Variants in LDB2 observed in about 807,000 individuals in gnomAD.
LDB2 encodes LIM domain-binding protein 2.
LDB2 carries 12 observed loss-of-function variants against 44.3 expected under a neutral mutation model. That is an observed-to-expected ratio of 0.27 (90% CI 0.17 to 0.44). The LOEUF (loss-of-function observed/expected upper bound fraction) is 0.44. Ranked by LOEUF, LDB2 falls within the 20% of genes least tolerant of loss-of-function variation. LDB2 has a pLI of 1.00. For synonymous variants in LDB2, 164 were observed against 174.8 expected, an observed-to-expected ratio of 0.94 and a Z score of 0.49; for missense variants, 344 against 473.5, an observed-to-expected ratio of 0.73 and a Z score of 2.54.
At chr4:16,665,262 T>TTC (rs1553950438) in intron 2 of LDB2, among the ~76,000 whole-genome samples, 3 of 116,184 alleles carry the variant, frequency 2.6e-5, no homozygotes, top group East Asian at 2.7e-4. Context: ...TCTTTTTTTT[T>TTC]CATTTCTTTT....
intron 5 of LDB2, among the ~76,000 whole-genome samples, chr4:16,572,770 T>C (rs1325199903): frequency 6.6e-6 from 1 of 152,162 alleles, no homozygotes; most frequent in Non-Finnish European, 1.5e-5. Context: ...CCAAATGCAA[T>C]TAAAAGTGCC....
At chr4:16,704,828 T>C (rs1374980725) in intron 2 of LDB2, among the ~76,000 whole-genome samples, 2 of 152,204 alleles carry the variant, frequency 1.3e-5, no homozygotes, top group Non-Finnish European at 2.9e-5. Flanking sequence ...GCTTGCTCAC[T>C]TACAATTGAT....
chr4:16,677,871 G>A (rs1486604545), intron 2 of LDB2, among the ~76,000 whole-genome samples: 1 of 152,176 alleles, frequency 6.6e-6, no homozygotes, highest in Non-Finnish European at 1.5e-5. Flanking sequence ...AAGAAACACT[G>A]GGAAATGGCT....
chr4:16,639,460 A>AATT (rs377611859), intron 2 of LDB2, among the ~76,000 whole-genome samples: 3,365 of 152,098 alleles, frequency 0.022, 121 homozygotes, highest in African/African-American at 0.076. Context: ...AAACCAAAAG[A>AATT]ATTATTATTA....
chr4:16,702,781 G>A (rs1233501062), intron 2 of LDB2, among the ~76,000 whole-genome samples: 1 of 152,114 alleles, frequency 6.6e-6, no homozygotes, highest in African/African-American at 2.4e-5. Context: ...CACGGCTGGG[G>A]CGTCATTCCT....
chr4:16,715,923 G>A (rs189634668), intron 2 of LDB2, among the ~76,000 whole-genome samples: 38 of 152,214 alleles, frequency 2.5e-4, no homozygotes, highest in Admixed American at 2.2e-3. Context: ...GTTCACTTAA[G>A]GCAGAGTTTA....
At chr4:16,607,826 T>C (rs1724361593) in intron 2 of LDB2, among the ~76,000 whole-genome samples, 1 of 152,098 alleles carries the variant, frequency 6.6e-6, no homozygotes, top group African/African-American at 2.4e-5. Flanking sequence ...GTTTGGCAAG[T>C]GGATAAATGT....
At chr4:16,644,555 G>T (rs376287752) in intron 2 of LDB2, among the ~76,000 whole-genome samples, 1 of 151,784 alleles carries the variant, frequency 6.6e-6, no homozygotes, top group Non-Finnish European at 1.5e-5. Flanking sequence ...AGCCTCCCGA[G>T]TAGCTGGCAT....
intron 1 of LDB2, among the ~76,000 whole-genome samples, chr4:16,789,228 C>T (rs1013300668): frequency 6.6e-6 from 1 of 152,168 alleles, no homozygotes; most frequent in African/African-American, 2.4e-5. Context: ...CAGTGATCCA[C>T]GGACCCAAGT....
intron 5 of LDB2, among the ~76,000 whole-genome samples, chr4:16,572,277 C>T (rs1004052796): frequency 6.6e-6 from 1 of 152,048 alleles, no homozygotes; most frequent in Non-Finnish European, 1.5e-5. Flanking sequence ...AGACTGTTTC[C>T]TGGGAGCAAC....
intron 2 of LDB2, among the ~76,000 whole-genome samples, chr4:16,708,070 A>G (rs536273883): frequency 6.6e-6 from 1 of 152,264 alleles, no homozygotes; most frequent in Admixed American, 6.5e-5. Flanking sequence ...CTAATTTGGA[A>G]ACTCCATTCT....
At chr4:16,729,191 T>C (rs1760195269) in intron 2 of LDB2, among the ~76,000 whole-genome samples, 1 of 152,240 alleles carries the variant, frequency 6.6e-6, no homozygotes, top group Non-Finnish European at 1.5e-5. Context: ...CAAAACAAAC[T>C]TCATCATTTT....
chr4:16,757,269 C>T (rs570629916), intron 2 of LDB2, among the ~76,000 whole-genome samples: 3 of 152,296 alleles, frequency 2.0e-5, no homozygotes, highest in African/African-American at 7.2e-5. Context: ...TGCACATCAC[C>T]GGGCTGTCAG....
intron 1 of LDB2, among the ~76,000 whole-genome samples, chr4:16,891,527 G>T (rs1723409703): frequency 6.6e-6 from 1 of 151,876 alleles, no homozygotes; most frequent in East Asian, 1.9e-4. Flanking sequence ...TGATCAGGCT[G>T]GTCTTGAACT....
intron 2 of LDB2, among the ~76,000 whole-genome samples, chr4:16,610,569 C>A (rs1006087223): frequency 5.3e-5 from 8 of 151,318 alleles, no homozygotes; most frequent in African/African-American, 1.9e-4. Flanking sequence ...GTGAAGCAGA[C>A]ACAAGTATCA....
chr4:16,897,912 A>ACACATATG (rs1561574104), intron 1 of LDB2, among the ~76,000 whole-genome samples: 1 of 15,668 alleles, frequency 6.4e-5, no homozygotes, highest in Non-Finnish European at 9.6e-5. Flanking sequence ...ATATATATAT[A>ACACATATG]TATATATATA....
chr4:16,738,834 G>C (rs1038107870), intron 2 of LDB2, among the ~76,000 whole-genome samples: 4 of 152,174 alleles, frequency 2.6e-5, no homozygotes, highest in African/African-American at 7.2e-5. Context: ...ATCAGGGATT[G>C]TTTACTCATA....
intron 2 of LDB2, among the ~76,000 whole-genome samples, chr4:16,681,867 G>A (rs1426860750): frequency 3.3e-5 from 5 of 151,890 alleles, no homozygotes; most frequent in African/African-American, 7.3e-5. Context: ...GACTGTGCCC[G>A]GCCTCTATTC....
chr4:16,883,492 A>G (rs1391613849), intron 1 of LDB2, among the ~76,000 whole-genome samples: 1 of 152,256 alleles, frequency 6.6e-6, no homozygotes, highest in African/African-American at 2.4e-5. Context: ...ACCATGCAGT[A>G]GAGGGAAGAG....
Sources: allele counts gnomAD v4.1 joint callset (sites outside exome capture counted in the v4.1 genomes callset), GRCh38; gene constraint gnomAD v4.1.1; transcripts MANE v1.5; gene names NCBI Gene and HGNC (gene_info 2026-07-23, HGNC 2026-07-21).